The following TRDN variants were observed in gnomAD, a reference collection of about 807,000 sequenced individuals.
TRDN encodes triadin in skeletal muscle.
In TRDN, 161 loss-of-function variants were observed where a neutral mutation model predicts 149.7. The ratio of observed to expected loss-of-function variants is 1.08; its 90% CI spans 0.95 to 1.23. The LOEUF is 1.23. Among genes scored for constraint, TRDN ranks in the 50% most tolerant of loss-of-function variants. The pLI, the probability that TRDN is intolerant of heterozygous loss-of-function variation, is 0.00. For synonymous variants in TRDN, 294 were observed against 250.5 expected, an observed-to-expected ratio of 1.17 and a Z score of -1.64; for missense variants, 896 against 823.5, an observed-to-expected ratio of 1.09 and a Z score of -1.08.
chr6:123,422,040 C>G (rs1002761613), intron 12 of TRDN, among the ~76,000 whole-genome samples: 1 of 151,914 alleles, frequency 6.6e-6, no homozygotes, highest in African/African-American at 2.4e-5. Context: ...AAATTAAAAA[C>G]CAATACAGAA....
chr6:123,485,188 T>G (rs1777921661), intron 9 of TRDN, among the ~76,000 whole-genome samples: 1 of 152,172 alleles, frequency 6.6e-6, no homozygotes, highest in Non-Finnish European at 1.5e-5. Context: ...CTTCTCTCAT[T>G]GTAGCCTAAT....
intron 26 of TRDN, among the ~76,000 whole-genome samples, chr6:123,276,810 G>T (rs944890135): frequency 6.6e-6 from 1 of 152,092 alleles, no homozygotes; most frequent in Non-Finnish European, 1.5e-5. Context: ...GGACAAAAAA[G>T]GGACAGAGAC....
In TRDN at chr6:123,443,231, ATACATAT is replaced by A. The variant is rs1275449875; in HGVS notation, c.932-4235_932-4229del. Among the ~76,000 whole-genome samples, 8 of 149,184 alleles carry A rather than the reference ATACATAT, an allele frequency of 5.4e-5. No individual in the cohort carries two copies. The East Asian group carries it at 1.6e-3, about 29-fold the overall frequency. ...GTATGTATATAATATATATATACAT[ATACATAT>A]TATATATATTTTTTTGGACAAGTGA... On this transcript the variant is annotated intron_variant, in intron 10 of 40. Transcript: ENST00000334268.
chr6:123,634,554 C>T (rs1250017290), intron 1 of TRDN, among the ~76,000 whole-genome samples: 2 of 151,810 alleles, frequency 1.3e-5, no homozygotes, highest in African/African-American at 4.8e-5. Context: ...CAAAGGTATA[C>T]CTTTTATAAA....
rs981154072 is a variant in TRDN at position 123,381,264 on chromosome 6, A to G, written c.1186+106T>C. On this transcript the variant is annotated intron_variant, in intron 16 of 40. Transcript: ENST00000334268. ...AAAAAACAACAGAGTTCACATGCAT[A>G]AAACATAGGAAAAGCGGATTCAAAA... is the stretch of plus-strand genomic sequence containing the variant. 5.5e-6 allele frequency: 6 copies of G among 1,099,896 alleles called. No homozygotes were observed. The African/African-American group carries it at 7.9e-5, about 14-fold the overall frequency. 68.1% of individuals were successfully genotyped at this position (1,099,896 alleles called of 1,614,324 possible). A position where few individuals can be genotyped will look rare whatever the true frequency, so the allele number is the denominator to read the frequency against.
At chr6:123,362,184 A>G (rs183854945) in intron 20 of TRDN, among the ~76,000 whole-genome samples, 3 of 152,206 alleles carry the variant, frequency 2.0e-5, no homozygotes, top group African/African-American at 7.2e-5. Context: ...ATTCCACTGA[A>G]TATACTTCTT....
At chr6:123,379,920 C>T (rs2114411310) in intron 16 of TRDN, among the ~76,000 whole-genome samples, 1 of 152,100 alleles carries the variant, frequency 6.6e-6, no homozygotes, top group South Asian at 2.1e-4. Flanking sequence ...AAGTGAACAA[C>T]CTTTAAGTTG....
chr6:123,548,928 G>C (rs1156779552), intron 2 of TRDN, among the ~76,000 whole-genome samples: 1 of 152,006 alleles, frequency 6.6e-6, no homozygotes. Context: ...CCTATGTTAT[G>C]GATGTTCAGG....
intron 2 of TRDN, among the ~76,000 whole-genome samples, chr6:123,565,576 C>T (rs1782243446): frequency 6.6e-6 from 1 of 152,164 alleles, no homozygotes; most frequent in Admixed American, 6.5e-5. Context: ...TTTCAGGTAA[C>T]AGTTGGAAAC....
At chr6:123,342,909 C>T (rs369673783) in intron 21 of TRDN, among the ~76,000 whole-genome samples, 25 of 152,126 alleles carry the variant, frequency 1.6e-4, no homozygotes, top group East Asian at 3.9e-4. Context: ...AACACATACT[C>T]GAAATTCCAC....
chr6:123,315,847 C>A (rs1779002166), intron 24 of TRDN, among the ~76,000 whole-genome samples: 1 of 151,906 alleles, frequency 6.6e-6, no homozygotes, highest in African/African-American at 2.4e-5. Flanking sequence ...CCCAGCTAAT[C>A]TCTTGACTTC....
intron 2 of TRDN, among the ~76,000 whole-genome samples, chr6:123,554,015 A>G (rs1329064987): frequency 2.6e-5 from 4 of 152,204 alleles, no homozygotes; most frequent in Admixed American, 1.3e-4. Context: ...GCAGGCTGCT[A>G]TAAATATTAG....
intron 39 of TRDN, 71 bp from the exon 40 acceptor site, chr6:123,221,593 G>T: frequency 9.7e-7 from 1 of 1,030,840 alleles, no homozygotes; most frequent in Non-Finnish European, 1.4e-6. Context: ...ATATGGGACT[G>T]AGAATGTCTA....
chr6:123,300,740 G>A (rs2114668467), intron 24 of TRDN, among the ~76,000 whole-genome samples: 1 of 152,022 alleles, frequency 6.6e-6, no homozygotes, highest in South Asian at 2.1e-4. Flanking sequence ...GTTCTATTCA[G>A]ATTTTGAAAG....
chr6:123,622,716 A>G (rs773627530), intron 1 of TRDN, among the ~76,000 whole-genome samples: 5 of 152,126 alleles, frequency 3.3e-5, no homozygotes, highest in Non-Finnish European at 7.4e-5. Context: ...ACACTTGTAT[A>G]TAGAGTTCTT....
chr6:123,224,192 G>A (rs1447381868), intron 38 of TRDN, 61 bp from the exon 39 acceptor site: 1 of 1,521,022 alleles, frequency 6.6e-7, no homozygotes, highest in Non-Finnish European at 9.1e-7. Context: ...CCCAGAGGAA[G>A]TATTGTATTT....
intron 24 of TRDN, among the ~76,000 whole-genome samples, chr6:123,279,374 T>C (rs2114628195): frequency 6.6e-6 from 1 of 152,266 alleles, no homozygotes; most frequent in South Asian, 2.1e-4. Flanking sequence ...GATAATAATG[T>C]AAATAAATAT....
chr6:123,303,085 A>G (rs957488145), intron 24 of TRDN, among the ~76,000 whole-genome samples: 1 of 152,134 alleles, frequency 6.6e-6, no homozygotes, highest in Non-Finnish European at 1.5e-5. Flanking sequence ...TCCATTTTAA[A>G]GAAGCTGAGA....
intron 32 of TRDN, among the ~76,000 whole-genome samples, chr6:123,266,006 A>G (rs931428071): frequency 9.7e-5 from 14 of 144,170 alleles, no homozygotes; most frequent in Non-Finnish European, 1.5e-4. Flanking sequence ...TGAATCATCT[A>G]AAATTAAGTA....
Sources: gnomAD v4.1 joint callset for allele counts (sites outside exome capture counted in the v4.1 genomes callset) on GRCh38, gnomAD v4.1.1 for gene constraint, MANE v1.5 for transcripts, NCBI Gene and HGNC (gene_info 2026-07-23, HGNC 2026-07-21) for gene names.